The following IQCK variants were observed in gnomAD, a reference collection of about 807,000 sequenced individuals.
The protein encoded by IQCK is IQ domain-containing protein K.
IQCK carries 29 observed loss-of-function variants against 28.1 expected under a neutral mutation model. The ratio of observed to expected loss-of-function variants is 1.03; its 90% CI spans 0.77 to 1.41. The LOEUF (loss-of-function observed/expected upper bound fraction) is 1.41, where lower values mean the gene tolerates loss of function less well. Ranked by LOEUF, IQCK falls within the 40% of genes most tolerant of loss-of-function variation. The pLI, the probability that IQCK is intolerant of heterozygous loss-of-function variation, is 0.00. For synonymous variants in IQCK, 113 were observed against 115.1 expected (o/e 0.98, Z 0.12); for missense variants, 359 against 314.7 (o/e 1.14, Z -1.07).
intron 7 of IQCK, among the ~76,000 whole-genome samples, chr16:19,812,647 C>G: frequency 6.6e-6 from 1 of 151,924 alleles, no homozygotes; most frequent in South Asian, 2.1e-4. Flanking sequence ...AAACTTGGAA[C>G]TAATAGTTAT....
chr16:19,771,476 A>T lies in IQCK; in HGVS notation c.605+7364A>T, dbSNP rs1267938074. On this transcript the variant is annotated intron_variant, in intron 6 of 7. Coordinates refer to ENST00000564186, the Ensembl canonical transcript of IQCK. ...GTAATGGAGAATGTGGAGAAATTTA[A>T]AGTCCCTTTCTCTTAGAGATCACCT... 4.1e-4 allele frequency among the ~76,000 whole-genome samples: 63 copies of T among 152,204 alleles called. 1 individual carries two copies. The highest frequency in any genetic ancestry group is 4.1e-3 in the Admixed American group (63 of 15,282).
intron 6 of IQCK, among the ~76,000 whole-genome samples, chr16:19,778,191 G>A (rs1341045416): frequency 6.6e-6 from 1 of 152,180 alleles, no homozygotes; most frequent in South Asian, 2.1e-4. Flanking sequence ...TCGAACTTGA[G>A]GAGGGGGTTG....
At chr16:19,770,121 C>T (rs558857578) in intron 6 of IQCK, among the ~76,000 whole-genome samples, 177 of 152,156 alleles carry the variant, frequency 1.2e-3, no homozygotes, top group Admixed American at 3.0e-3. Context: ...TGAAGAGAAA[C>T]GGTTTGGGAA....
intron 7 of IQCK, among the ~76,000 whole-genome samples, chr16:19,823,549 C>T (rs970526661): frequency 5.9e-5 from 9 of 152,086 alleles, no homozygotes; most frequent in East Asian, 3.9e-4. Context: ...AAGCACTGAC[C>T]GGGGCATGTG....
intron 6 of IQCK, among the ~76,000 whole-genome samples, chr16:19,766,585 G>T (rs1274957597): frequency 6.6e-6 from 1 of 152,228 alleles, no homozygotes; most frequent in African/African-American, 2.4e-5. Context: ...CTCAACCTTG[G>T]CACTATTGAC....
At chr16:19,843,502 A>G (rs767441269) in intron 9 of IQCK, among the ~76,000 whole-genome samples, 13 of 152,232 alleles carry the variant, frequency 8.5e-5, no homozygotes, top group Non-Finnish European at 1.6e-4. Context: ...TTCACTCAGC[A>G]CAATGTTTGC....
intron 6 of IQCK, among the ~76,000 whole-genome samples, chr16:19,777,938 A>G (rs1231654534): frequency 6.6e-6 from 1 of 152,160 alleles, no homozygotes; most frequent in Non-Finnish European, 1.5e-5. Context: ...CTGTAGTTCC[A>G]GTTACTCCGG....
At chr16:19,726,925 G>A (rs1241619813) in intron 1 of IQCK, among the ~76,000 whole-genome samples, 2 of 152,124 alleles carry the variant, frequency 1.3e-5, no homozygotes, top group Admixed American at 6.6e-5. Flanking sequence ...CTTGAGATCA[G>A]GAGTTCGAGA....
At chr16:19,742,745 G>A (rs2054855111) in intron 4 of IQCK, among the ~76,000 whole-genome samples, 1 of 152,192 alleles carries the variant, frequency 6.6e-6, no homozygotes, top group Non-Finnish European at 1.5e-5. Flanking sequence ...AACTGCTGAT[G>A]TCTAGTTATT....
intron 6 of IQCK, among the ~76,000 whole-genome samples, chr16:19,775,807 G>T (rs1429189729): frequency 6.6e-6 from 1 of 150,968 alleles, no homozygotes; most frequent in Non-Finnish European, 1.5e-5. Flanking sequence ...GGGAGGCAGG[G>T]ATACGTAAAG....
intron 4 of IQCK, among the ~76,000 whole-genome samples, chr16:19,751,248 T>A (rs1221146229): frequency 6.6e-6 from 1 of 152,066 alleles, no homozygotes; most frequent in African/African-American, 2.4e-5. Flanking sequence ...ATCCCAGCAC[T>A]TTGGCAGGCC....
intron 2 of IQCK, among the ~76,000 whole-genome samples, chr16:19,733,304 CT>C (rs1977900901): frequency 6.6e-6 from 1 of 151,596 alleles, no homozygotes; most frequent in African/African-American, 2.4e-5. Flanking sequence ...CGCCTGGCTA[CT>C]TTTTTGTATT....
chr16:19,784,811 C>T (rs531219318), intron 6 of IQCK, among the ~76,000 whole-genome samples: 2 of 152,170 alleles, frequency 1.3e-5, no homozygotes, highest in Non-Finnish European at 2.9e-5. Context: ...CTCTGTTGCC[C>T]AGGCTGGAGT....
At chr16:19,809,671 A>G (rs572683216) in intron 7 of IQCK, among the ~76,000 whole-genome samples, 67 of 152,288 alleles carry the variant, frequency 4.4e-4, no homozygotes, top group African/African-American at 1.5e-3. Context: ...AAGCACGACA[A>G]TGTTTTCAAG....
chr16:19,839,788 C>T (rs544235294), intron 9 of IQCK, among the ~76,000 whole-genome samples: 18 of 151,800 alleles, frequency 1.2e-4, no homozygotes, highest in Admixed American at 3.9e-4. Context: ...TTGAAAAGTT[C>T]GAGACTAGCC....
intron 7 of IQCK, among the ~76,000 whole-genome samples, chr16:19,805,056 G>T (rs897738345): frequency 2.0e-5 from 3 of 152,046 alleles, no homozygotes; most frequent in Admixed American, 2.0e-4. Context: ...GGGGGTGGGG[G>T]TGCATTTCCT....
chr16:19,840,114 G>A (rs2056348062), intron 9 of IQCK, among the ~76,000 whole-genome samples: 1 of 152,050 alleles, frequency 6.6e-6, no homozygotes, highest in Non-Finnish European at 1.5e-5. Context: ...TCAGGACTTT[G>A]GGAGGCCAAG....
chr16:19,782,604 G>A (rs988649079), intron 6 of IQCK, among the ~76,000 whole-genome samples: 1 of 151,996 alleles, frequency 6.6e-6, no homozygotes, highest in Non-Finnish European at 1.5e-5. Flanking sequence ...CTGCAGCCTG[G>A]GTGACAGAGC....
At chr16:19,836,817 G>A (rs1007006452) in intron 9 of IQCK, among the ~76,000 whole-genome samples, 2 of 152,078 alleles carry the variant, frequency 1.3e-5, no homozygotes, top group African/African-American at 4.8e-5. Flanking sequence ...TGGCTGATGC[G>A]GAATGCTTTT....
Sources: gnomAD v4.1 joint callset for allele counts (sites outside exome capture counted in the v4.1 genomes callset) on GRCh38, gnomAD v4.1.1 for gene constraint, MANE v1.5 for transcripts, NCBI Gene and HGNC (gene_info 2026-07-23, HGNC 2026-07-21) for gene names.